Variants in CUX1 observed in about 807,000 individuals in gnomAD.
CUX1 encodes protein CASP.
Under a neutral mutation model 158.8 loss-of-function variants are expected in CUX1, and 31 were observed. That is an observed-to-expected ratio of 0.20 (90% confidence interval 0.15 to 0.26). CUX1 has a LOEUF of 0.26. CUX1 is among the 10% of genes least tolerant of loss of function. CUX1 has a pLI of 1.00. For missense variants in CUX1, 1,589 were observed against 2,014.6 expected, an observed-to-expected ratio of 0.79 and a Z score of 4.04; for synonymous variants, 879 against 862.1, an observed-to-expected ratio of 1.02 and a Z score of -0.34.
chr7:102,079,428 ACT>A (rs1242066046), intron 4 of CUX1, among the ~76,000 whole-genome samples: 3 of 146,454 alleles, frequency 2.0e-5, no homozygotes, highest in Non-Finnish European at 4.5e-5. Flanking sequence ...ACAGAGTGAG[ACT>A]CTGTCTCAAA....
intron 13 of CUX1, among the ~76,000 whole-genome samples, chr7:102,194,844 G>A (rs1450463102): frequency 6.6e-6 from 1 of 151,350 alleles, no homozygotes; most frequent in Non-Finnish European, 1.5e-5. Flanking sequence ...CCAATATGGT[G>A]AAACCCTATC....
At chr7:102,038,408 G>A (rs1223436244) in intron 3 of CUX1, among the ~76,000 whole-genome samples, 2 of 152,194 alleles carry the variant, frequency 1.3e-5, no homozygotes, top group Non-Finnish European at 2.9e-5. Context: ...TACAAGTCAT[G>A]AGCATAATTG....
intron 2 of CUX1, among the ~76,000 whole-genome samples, chr7:102,019,255 T>C (rs749751106): frequency 1.3e-5 from 2 of 151,734 alleles, no homozygotes; most frequent in Non-Finnish European, 2.9e-5. Flanking sequence ...TGAGACATAG[T>C]CTCATTCTGT....
intron 2 of CUX1, among the ~76,000 whole-genome samples, chr7:101,985,567 G>T (rs1432862695): frequency 6.6e-6 from 1 of 152,244 alleles, no homozygotes; most frequent in Non-Finnish European, 1.5e-5. Flanking sequence ...GATTTTTGCA[G>T]TTGCCCTGCA....
intron 20 of CUX1, among the ~76,000 whole-genome samples, chr7:102,217,514 T>C (rs1797354535): frequency 1.3e-5 from 2 of 152,190 alleles, no homozygotes; most frequent in African/African-American, 2.4e-5. Flanking sequence ...TACCTTCCCA[T>C]GTCGGGGAGA....
At chr7:102,225,346 G>A (rs1798239004) in intron 20 of CUX1, among the ~76,000 whole-genome samples, 1 of 152,184 alleles carries the variant, frequency 6.6e-6, no homozygotes, top group Non-Finnish European at 1.5e-5. Flanking sequence ...TTCTAGGTAT[G>A]AATACAAAAT....
intron 5 of CUX1, 105 bp from the exon 6 acceptor site, chr7:102,104,231 G>C (rs1830095579): frequency 1.8e-6 from 2 of 1,135,720 alleles, no homozygotes; most frequent in Admixed American, 4.5e-5. Flanking sequence ...GAAGAGCTAA[G>C]GTTTAAAACA....
chr7:102,180,919 G>GTATTTTATTTTATTTTATTTTATTT (rs1186410987), intron 11 of CUX1, among the ~76,000 whole-genome samples: 5 of 51,540 alleles, frequency 9.7e-5, no homozygotes, highest in Non-Finnish European at 2.0e-4. Flanking sequence ...TTATTTTATT[G>GTATTTTATTTTATTTTATTTTATTT]TATTTTATTT....
chr7:101,982,073 C>T (rs950527582), intron 2 of CUX1, among the ~76,000 whole-genome samples: 5 of 152,234 alleles, frequency 3.3e-5, no homozygotes, highest in African/African-American at 9.6e-5. Context: ...CCAAGTCGAT[C>T]TTGGCAGGTA....
Position 102,204,531 on chromosome 7 carries a change from C to G in CUX1, c.3048C>G (p.Pro1016=). The G allele has an allele frequency of 6.2e-7, 1 of 1,613,446 alleles. No homozygotes were observed. The highest frequency in any genetic ancestry group is 8.5e-7 in the Non-Finnish European group (1 of 1,179,942). The change falls in exon 19 of 24, where the codon CCC becomes CCG. Residue 1016 remains proline, a synonymous_variant. Transcript: ENST00000292535. ...GCGAGCTAGGCCAGGGTGTTCTACC[C>G]GTCCAGGGCCAGCAGCAAGGGCCAG... ...LNGELGQGVL[P]VQGQQQGPVL...
intron 2 of CUX1, among the ~76,000 whole-genome samples, chr7:101,962,185 G>C (rs1325611659): frequency 6.6e-6 from 1 of 152,154 alleles, no homozygotes; most frequent in Non-Finnish European, 1.5e-5. Flanking sequence ...GTGGGAATTA[G>C]ATGTCTGAAG....
Position 102,084,042 on chromosome 7 carries a change from C to T in CUX1, c.269-13322C>T, listed in dbSNP as rs868943215. ...CTGGGACTACAGGTGCCTGCCACCACACCCAGCTAATTTTTGTATTTTTAG... is the reference window on the plus strand; with the variant it reads ...CTGGGACTACAGGTGCCTGCCACCATACCCAGCTAATTTTTGTATTTTTAG... On this transcript the variant is annotated intron_variant, in intron 4 of 23. Coordinates refer to ENST00000292535, the MANE Select transcript of CUX1 (RefSeq NM_181552.4). 2.9e-4 allele frequency among the ~76,000 whole-genome samples: 42 copies of T among 145,836 alleles called. 1 individual carries two copies. The highest frequency in any genetic ancestry group is 9.3e-4 in the African/African-American group (38 of 41,050).
intron 8 of CUX1, among the ~76,000 whole-genome samples, chr7:102,132,635 C>T (rs1457482055): frequency 6.6e-6 from 1 of 151,450 alleles, no homozygotes; most frequent in Non-Finnish European, 1.5e-5. Flanking sequence ...CCAACTTCAT[C>T]ACCACTCTCA....
intron 3 of CUX1, among the ~76,000 whole-genome samples, chr7:102,034,623 T>G (rs2129346629): frequency 6.6e-6 from 1 of 151,934 alleles, no homozygotes; most frequent in South Asian, 2.1e-4. Flanking sequence ...CGTGGTGGCA[T>G]ATGCCCGTAA....
chr7:101,851,825 C>T (rs997250905), intron 1 of CUX1, among the ~76,000 whole-genome samples: 13 of 65,214 alleles, frequency 2.0e-4, no homozygotes, highest in African/African-American at 7.4e-4. Context: ...TGTCTTTCTT[C>T]TCTCTTTTTT....
intron 23 of CUX1, 43 bp downstream of exon 23, chr7:102,239,627 A>T (rs1554534189): frequency 6.3e-7 from 1 of 1,589,462 alleles, no homozygotes; most frequent in Admixed American, 1.7e-5. Context: ...GGCCCAGGGG[A>T]AGGGGCTGAT....
chr7:102,115,238 C>T lies in CUX1; in HGVS notation c.639C>T (p.Asp213=). 6.2e-7 allele frequency: 1 copy of T among 1,610,298 alleles called. No individual in the cohort carries two copies. The highest frequency in any genetic ancestry group is 2.2e-5 in the East Asian group (1 of 44,832). ...AAAAAACTCGAACAGAATTATTTGA[C>T]CTGAAAACCAAATACGATGAAGAAA... ...ALEKTRTELF[D]LKTKYDEETT... is the part of the protein sequence containing the mutation. The change falls in exon 8 of 24, where the codon GAC becomes GAT. Residue 213 remains aspartate, a synonymous_variant. Coordinates refer to ENST00000292535, the MANE Select transcript of CUX1 (RefSeq NM_181552.4).
intron 3 of CUX1, among the ~76,000 whole-genome samples, chr7:102,045,491 C>T (rs1238066324): frequency 2.6e-5 from 4 of 152,246 alleles, no homozygotes; most frequent in African/African-American, 9.6e-5. Context: ...AGAAGTTAAC[C>T]TCTTAAAGAC....
chr7:102,227,452 G>T lies in CUX1; in HGVS notation c.3216G>T (p.Glu1072Asp). The change falls in exon 21 of 24, where the codon GAG (glutamate) becomes GAT (aspartate). Residue 1072 changes from glutamate to aspartate, a missense_variant. Physicochemically the swap from Glu to Asp is conservative, Grantham distance 45. Coordinates refer to ENST00000292535, the MANE Select transcript of CUX1 (RefSeq NM_181552.4). ...GTGAGTCGGTGAAGAGCCTGACCGA[G>T]CTGGTCCAGCAGCCCTGTCCCCCCA... ...SSSESVKSLTELVQQPCPPIE... is the reference protein window; with the variant it reads ...SSSESVKSLTDLVQQPCPPIE... 1 of 1,614,020 alleles carries T rather than the reference G, an allele frequency of 6.2e-7. No homozygotes were observed. The highest frequency in any genetic ancestry group is 1.1e-5 in the South Asian group (1 of 91,076).
Sources: gnomAD v4.1 joint callset for allele counts (sites outside exome capture counted in the v4.1 genomes callset) on GRCh38, gnomAD v4.1.1 for gene constraint, MANE v1.5 for transcripts, NCBI Gene and HGNC (gene_info 2026-07-23, HGNC 2026-07-21) for gene names.